EIF5: variants seen among roughly 807,000 people sequenced by gnomAD.
The protein encoded by EIF5 is eukaryotic translation initiation factor 5.
EIF5 carries 10 observed loss-of-function variants against 48.3 expected under a neutral mutation model. The ratio of observed to expected loss-of-function variants is 0.21; its 90% CI spans 0.13 to 0.35. EIF5 has a LOEUF of 0.35. EIF5 is among the 10% of genes least tolerant of loss of function. The pLI, the probability that EIF5 is intolerant of heterozygous loss-of-function variation, is 1.00. For missense variants in EIF5, 397 were observed against 533.2 expected, an observed-to-expected ratio of 0.74 and a Z score of 2.51; for synonymous variants, 237 against 173.1, an observed-to-expected ratio of 1.37 and a Z score of -2.90.
rs527995117 is a variant in EIF5 at position 103,344,839 on chromosome 14, A to G, written c.*3787A>G. 1.3e-5 allele frequency: 2 copies of G among 152,360 alleles called. No homozygotes were observed. The highest frequency in any genetic ancestry group is 4.1e-4 in the South Asian group (2 of 4,832). 9.4% of individuals were successfully genotyped at this position (152,360 alleles called of 1,614,324 possible). ...TAAATGGAATAAATGTATCAGGTAA[A>G]GGACAAGTTGTAAGCTTGGATTTTT... On this transcript the variant is annotated 3_prime_UTR_variant, in exon 12 of 12. Coordinates refer to ENST00000216554, the MANE Select transcript of EIF5 (RefSeq NM_001969.5).
At position 103,339,336 on chromosome 14, in the gene EIF5, A is replaced by G. The variant is rs368722672; in HGVS notation, c.906+3A>G. ...AATACAGGCGCCATTTCCTACGAGT[A>G]AGCAAAGTGCTCTGGATTCATAAAT... On this transcript the variant is annotated splice_donor_region_variant and intron_variant, in intron 9 of 11. Transcript: ENST00000216554. 1.3e-6 allele frequency: 2 copies of G among 1,587,116 alleles called. No individual in the cohort carries two copies. Among genetic ancestry groups the G allele is most frequent in the Non-Finnish European group, 1.7e-6 (2 of 1,172,806 alleles).
At chr14:103,337,549 C>T in intron 6 of EIF5, 1 of 370,582 alleles carries the variant, frequency 2.7e-6, no homozygotes, top group South Asian at 2.9e-5. Flanking sequence ...TTGCACTGAG[C>T]TGAGATCGTG....
intron 10 of EIF5, among the ~76,000 whole-genome samples, 193 bp from the exon 11 acceptor site, chr14:103,340,234 T>G (rs1173300416): frequency 6.6e-6 from 1 of 152,218 alleles, no homozygotes; most frequent in African/African-American, 2.4e-5. Flanking sequence ...TGCTGTAGAT[T>G]GTGATTCGCA....
chr14:103,341,349 G>C lies in EIF5; in HGVS notation c.*297G>C, dbSNP rs2089350630. ...GTTATAAAAATAAAGGTTTGATTTTGGTCGTTCTTCAGATGTTTGGCTCTG... is the reference window on the plus strand; with the variant it reads ...GTTATAAAAATAAAGGTTTGATTTTCGTCGTTCTTCAGATGTTTGGCTCTG... On this transcript the variant is annotated 3_prime_UTR_variant, in exon 12 of 12. Transcript: ENST00000216554. The C allele has an allele frequency of 4.4e-6, 1 of 229,870 alleles. No individual in the cohort carries two copies. Among genetic ancestry groups the C allele is most frequent in the Non-Finnish European group, 8.8e-6 (1 of 113,388 alleles). 14.2% of individuals were successfully genotyped at this position (229,870 alleles called of 1,614,324 possible). A position where few individuals can be genotyped will look rare whatever the true frequency, so the allele number is the denominator to read the frequency against.
chr14:103,340,752 C>T (rs2089343883), intron 11 of EIF5, among the ~76,000 whole-genome samples, 191 bp downstream of exon 11: 1 of 151,930 alleles, frequency 6.6e-6, no homozygotes, highest in African/African-American at 2.4e-5. Flanking sequence ...GTTCCTACTC[C>T]TACACATTAT....
At position 103,337,103 on chromosome 14, in the gene EIF5, A is replaced by G. The variant is rs757153946; in HGVS notation, c.328-13A>G. On this transcript the variant is annotated splice_polypyrimidine_tract_variant and intron_variant, in intron 5 of 11. Transcript: ENST00000216554. ...TGTTATATTATGGATAACATTTGTT[A>G]TTTTTTTGGCAGCATGTCAATCCAA... 6.9e-6 allele frequency: 11 copies of G among 1,602,934 alleles called. No individual in the cohort carries two copies. The East Asian group carries it at 1.8e-4, about 26-fold the overall frequency.
chr14:103,334,797 C>A (rs1595361331), intron 2 of EIF5, 200 bp downstream of exon 2: 1 of 149,940 alleles, frequency 6.7e-6, no homozygotes, highest in Admixed American at 6.6e-5. Flanking sequence ...GTCGCGCGTG[C>A]CCGCCGCTCG....
At chr14:103,339,142 T>C in intron 8 of EIF5, 30 bp from the exon 9 acceptor site, 1 of 1,589,696 alleles carries the variant, frequency 6.3e-7, no homozygotes, top group Non-Finnish European at 8.5e-7. Flanking sequence ...GTGCCTCCAT[T>C]GCACTGAATT....
In EIF5 at chr14:103,339,478, C is replaced by G. The variant is rs368646581; in HGVS notation, c.906+145C>G. 1.2e-5 allele frequency: 17 copies of G among 1,393,516 alleles called. No homozygotes were observed. In the Middle Eastern group the frequency reaches 1.3e-3, roughly 108 times the overall value. 86.3% of individuals were successfully genotyped at this position (1,393,516 alleles called of 1,614,324 possible). Reference sequence around the variant, plus strand: ...CAAGCCTCTGAGTATCTGAAAGTGCCATACCTAGGCCCTTACAAAGTAACA... The same window carrying G: ...CAAGCCTCTGAGTATCTGAAAGTGCGATACCTAGGCCCTTACAAAGTAACA... On this transcript the variant is annotated intron_variant, in intron 9 of 11. Transcript: ENST00000216554.
chr14:103,337,456 G>C (rs2089300743), intron 6 of EIF5: 1 of 505,956 alleles, frequency 2.0e-6, no homozygotes, highest in South Asian at 2.7e-5. Context: ...ACAAAAACTA[G>C]CTTAGCATGG....
intron 8 of EIF5, 27 bp downstream of exon 8, chr14:103,338,920 C>T (rs1469998826): frequency 6.2e-7 from 1 of 1,608,012 alleles, no homozygotes. Flanking sequence ...GTCTGTAAAT[C>T]AGCTTCAACC....
chr14:103,340,094 T>G (rs918519781), intron 10 of EIF5, among the ~76,000 whole-genome samples: 2 of 152,194 alleles, frequency 1.3e-5, no homozygotes, highest in African/African-American at 4.8e-5. Flanking sequence ...TGACCTCAGG[T>G]GATCCACTGG....
intron 7 of EIF5, 118 bp downstream of exon 7, chr14:103,338,590 G>C: frequency 6.7e-7 from 1 of 1,490,562 alleles, no homozygotes; most frequent in Non-Finnish European, 8.9e-7. Flanking sequence ...TAATATTGTG[G>C]ATTCCAAGTA....
At chr14:103,340,886 G>T (rs1246931549) in intron 11 of EIF5, 77 bp from the exon 12 acceptor site, 1 of 1,471,016 alleles carries the variant, frequency 6.8e-7, no homozygotes, top group Non-Finnish European at 9.5e-7. Context: ...TTCCTCCTCT[G>T]TGACCACAAT....
chr14:103,339,983 C>T (rs2089334260), intron 10 of EIF5, among the ~76,000 whole-genome samples, 180 bp downstream of exon 10: 1 of 152,122 alleles, frequency 6.6e-6, no homozygotes, highest in Admixed American at 6.5e-5. Flanking sequence ...CTCAGCCTCC[C>T]AAGTAGCTGG....
chr14:103,342,196 T>C lies in EIF5; in HGVS notation c.*1144T>C, dbSNP rs2089361784. On this transcript the variant is annotated 3_prime_UTR_variant, in exon 12 of 12. Coordinates refer to ENST00000216554, the MANE Select transcript of EIF5 (RefSeq NM_001969.5). Reference sequence around the variant, plus strand: ...AAAAAGAAAGCTAAAAGCATACTTCTAAGTCAGAGCCTCTATTTTGGTGTA... The same window carrying C: ...AAAAAGAAAGCTAAAAGCATACTTCCAAGTCAGAGCCTCTATTTTGGTGTA... 6.6e-6 allele frequency: 1 copy of C among 152,642 alleles called. No homozygotes were observed. The highest frequency in any genetic ancestry group is 2.1e-4 in the South Asian group (1 of 4,830). 9.5% of individuals were successfully genotyped at this position (152,642 alleles called of 1,614,324 possible).
rs1262937332 is a variant in EIF5 at position 103,344,219 on chromosome 14, T to C, written c.*3167T>C. On this transcript the variant is annotated 3_prime_UTR_variant, in exon 12 of 12. Coordinates refer to ENST00000216554, the MANE Select transcript of EIF5 (RefSeq NM_001969.5). ...GACCCTGTGAGCCTTTGTTAATAGG[T>C]TGGGAGCTCAGGGTGTTTATGTCCA... The C allele has an allele frequency of 2.0e-5, 3 of 152,180 alleles. No individual in the cohort carries two copies. The highest frequency in any genetic ancestry group is 4.4e-5 in the Non-Finnish European group (3 of 68,034). 9.4% of individuals were successfully genotyped at this position (152,180 alleles called of 1,614,324 possible).
intron 10 of EIF5, 112 bp downstream of exon 10, chr14:103,339,915 G>A: frequency 1.6e-6 from 2 of 1,260,592 alleles, no homozygotes; most frequent in Non-Finnish European, 2.2e-6. Flanking sequence ...CAGGAGTACA[G>A]TGGTATGATC....
Position 103,339,007 on chromosome 14 carries a change from A to C in EIF5, c.744+114A>C, listed in dbSNP as rs1299187133. ...TTACTCTAATGCACGACTTTTTAGAACTCTTGTTCATTTAAATATTTTTTG... is the reference window on the plus strand; with the variant it reads ...TTACTCTAATGCACGACTTTTTAGACCTCTTGTTCATTTAAATATTTTTTG... On this transcript the variant is annotated intron_variant, in intron 8 of 11. Coordinates refer to ENST00000216554, the MANE Select transcript of EIF5 (RefSeq NM_001969.5). 2.7e-6 allele frequency: 4 copies of C among 1,486,356 alleles called. No individual in the cohort carries two copies. In the Admixed American group the frequency reaches 6.9e-5, roughly 26 times the overall value. 92.1% of individuals were successfully genotyped at this position (1,486,356 alleles called of 1,614,324 possible). A position where few individuals can be genotyped will look rare whatever the true frequency, so the allele number is the denominator to read the frequency against.
Sources: allele counts gnomAD v4.1 joint callset (sites outside exome capture counted in the v4.1 genomes callset), GRCh38; gene constraint gnomAD v4.1.1; transcripts MANE v1.5; gene names NCBI Gene and HGNC (gene_info 2026-07-23, HGNC 2026-07-21).